The following FRMD4A variants were observed in gnomAD, a reference collection of about 807,000 sequenced individuals.
FRMD4A encodes FERM domain containing 4A, also known as FERM domain-containing protein 4A.
Under a neutral mutation model 129.1 loss-of-function variants are expected in FRMD4A, and 29 were observed. The observed-to-expected ratio is 0.22, with a 90% CI of 0.17 to 0.31. The LOEUF (loss-of-function observed/expected upper bound fraction) is 0.31. Ranked by LOEUF, FRMD4A falls within the 10% of genes least tolerant of loss-of-function variation. The pLI, the probability that FRMD4A is intolerant of heterozygous loss-of-function variation, is 1.00. For synonymous variants in FRMD4A, 634 were observed against 571.6 expected (o/e 1.11, Z -1.56); for missense variants, 1,272 against 1,375.8 (o/e 0.92, Z 1.19).
intron 15 of FRMD4A, among the ~76,000 whole-genome samples, chr10:13,679,460 A>AAT (rs1564591075): frequency 0.086 from 2,348 of 27,432 alleles, 244 homozygotes; most frequent in Non-Finnish European, 0.099. Flanking sequence ...AAAAAAAAAA[A>AAT]ATATATATAT....
intron 12 of FRMD4A, among the ~76,000 whole-genome samples, chr10:13,730,891 G>A (rs568289241): frequency 1.0e-4 from 15 of 145,208 alleles, no homozygotes; most frequent in Admixed American, 5.6e-4. Flanking sequence ...AGCCAGGCAT[G>A]GTGACACACG....
At chr10:13,662,917 G>A (rs1036571932) in intron 19 of FRMD4A, among the ~76,000 whole-genome samples, 2 of 147,010 alleles carry the variant, frequency 1.4e-5, no homozygotes, top group East Asian at 2.0e-4. Context: ...CTAGCTAAAC[G>A]TGGTTTTGGG....
chr10:13,843,074 G>C (rs913213024), intron 3 of FRMD4A, among the ~76,000 whole-genome samples: 1 of 152,124 alleles, frequency 6.6e-6, no homozygotes, highest in Admixed American at 6.6e-5. Context: ...AGCCTCTGAG[G>C]GAAGCTCCAG....
At chr10:14,313,213 A>G (rs1846619850) in intron 2 of FRMD4A, among the ~76,000 whole-genome samples, 1 of 151,008 alleles carries the variant, frequency 6.6e-6, no homozygotes, top group East Asian at 1.9e-4. Context: ...TTTTTTTTTA[A>G]TTAACCAGGT....
At chr10:14,198,291 C>T (rs1012123864) in intron 2 of FRMD4A, among the ~76,000 whole-genome samples, 5 of 152,186 alleles carry the variant, frequency 3.3e-5, no homozygotes, top group South Asian at 2.1e-4. Flanking sequence ...GGGATGTTCC[C>T]GCCCACATGA....
At chr10:13,880,830 C>A (rs1589140822) in intron 2 of FRMD4A, among the ~76,000 whole-genome samples, 1 of 152,062 alleles carries the variant, frequency 6.6e-6, no homozygotes, top group South Asian at 2.1e-4. Context: ...GCACACTTCC[C>A]TTCCTCTGCT....
At chr10:14,152,324 T>A (rs1011927896) in intron 2 of FRMD4A, among the ~76,000 whole-genome samples, 1 of 151,790 alleles carries the variant, frequency 6.6e-6, no homozygotes, top group Non-Finnish European at 1.5e-5. Flanking sequence ...CAGACGGGGT[T>A]TCACCTTGTT....
rs9943387 is a variant in FRMD4A, at chr10:13,990,278, C to G, written c.46-131366G>C. Among the ~76,000 whole-genome samples the G allele has an allele frequency of 6.7e-3, 1,014 of 152,340 alleles. 18 individuals carry two copies. The highest frequency in any genetic ancestry group is 0.022 in the African/African-American group (908 of 41,568). On this transcript the variant is annotated intron_variant, in intron 2 of 24. Transcript: ENST00000357447. ...TGGCTGTGCTTCTGGGTCTCAGTAA[C>G]TTCCCTCTCTGCCTGGATTTGCTCC...
intron 6 of FRMD4A, among the ~76,000 whole-genome samples, chr10:13,764,183 C>CTG (rs1564761539): frequency 1.3e-3 from 113 of 87,320 alleles, no homozygotes; most frequent in African/African-American, 5.2e-3. Context: ...CCAAAGATTT[C>CTG]CGTGTGTGTG....
chr10:14,055,906 G>C (rs566857295), intron 2 of FRMD4A, among the ~76,000 whole-genome samples: 1 of 152,194 alleles, frequency 6.6e-6, no homozygotes, highest in East Asian at 1.9e-4. Flanking sequence ...ACCCCGTTGT[G>C]CTATCAAATA....
intron 2 of FRMD4A, among the ~76,000 whole-genome samples, chr10:13,924,754 A>G (rs1331513297): frequency 6.6e-6 from 1 of 152,128 alleles, no homozygotes; most frequent in Non-Finnish European, 1.5e-5. Flanking sequence ...GTTATCCCTG[A>G]TGTTTAGAAG....
At chr10:13,900,430 C>A (rs998349268) in intron 2 of FRMD4A, among the ~76,000 whole-genome samples, 44 of 152,130 alleles carry the variant, frequency 2.9e-4, no homozygotes, top group African/African-American at 9.4e-4. Context: ...GAAACACAGA[C>A]AAGAATCAAT....
intron 5 of FRMD4A, among the ~76,000 whole-genome samples, chr10:13,789,390 T>C (rs1351951659): frequency 1.3e-5 from 2 of 152,190 alleles, no homozygotes; most frequent in Non-Finnish European, 2.9e-5. Context: ...TTCAGTTTAT[T>C]GTCTGTGAAA....
intron 11 of FRMD4A, among the ~76,000 whole-genome samples, chr10:13,739,184 C>G (rs1462720412): frequency 6.6e-6 from 1 of 152,090 alleles, no homozygotes; most frequent in Non-Finnish European, 1.5e-5. Flanking sequence ...AGATGAAAGG[C>G]AAAAGAGATA....
chr10:14,246,340 A>T (rs1459859866), intron 2 of FRMD4A, among the ~76,000 whole-genome samples: 1 of 152,096 alleles, frequency 6.6e-6, no homozygotes, highest in African/African-American at 2.4e-5. Flanking sequence ...GAGCACCTAC[A>T]CAGATCCAAG....
Position 14,182,892 on chromosome 10 carries a change from C to T in FRMD4A, c.45+147166G>A, listed in dbSNP as rs115801780. ...GTGGAAGCAAACGTTGGGAGAAGTACTCATTTCACCTGGGATTGTTGATTA... is the reference window on the plus strand; with the variant it reads ...GTGGAAGCAAACGTTGGGAGAAGTATTCATTTCACCTGGGATTGTTGATTA... On this transcript the variant is annotated intron_variant, in intron 2 of 24. Coordinates refer to ENST00000357447, the MANE Select transcript of FRMD4A (RefSeq NM_018027.5). Among the ~76,000 whole-genome samples the T allele has an allele frequency of 8.0e-3, 1,221 of 152,272 alleles. 11 individuals carry two copies. The highest frequency in any genetic ancestry group is 0.027 in the African/African-American group (1,110 of 41,544).
intron 2 of FRMD4A, among the ~76,000 whole-genome samples, chr10:13,963,068 G>A (rs181085049): frequency 3.1e-4 from 47 of 152,160 alleles, no homozygotes; most frequent in Middle Eastern, 3.4e-3. Flanking sequence ...ATATGTTTCC[G>A]TGTCAATTTA....
At chr10:13,814,527 G>A (rs756817713) in intron 3 of FRMD4A, among the ~76,000 whole-genome samples, 6 of 127,940 alleles carry the variant, frequency 4.7e-5, no homozygotes, top group Non-Finnish European at 7.8e-5. Flanking sequence ...GCTGCAGTGA[G>A]CTATGATCAT....
At chr10:14,076,206 G>A (rs939241746) in intron 2 of FRMD4A, among the ~76,000 whole-genome samples, 3 of 152,144 alleles carry the variant, frequency 2.0e-5, no homozygotes, top group African/African-American at 7.2e-5. Flanking sequence ...ATCCCCACCT[G>A]CCTTTCCCAT....
Sources: allele counts gnomAD v4.1 joint callset (sites outside exome capture counted in the v4.1 genomes callset), GRCh38; gene constraint gnomAD v4.1.1; transcripts MANE v1.5; gene names NCBI Gene and HGNC (gene_info 2026-07-23, HGNC 2026-07-21).